Variants in SCN8A observed in about 807,000 individuals in gnomAD.
SCN8A encodes sodium channel protein type 8 subunit alpha.
Under a neutral mutation model 184.1 loss-of-function variants are expected in SCN8A, and 30 were observed. The ratio of observed to expected loss-of-function variants is 0.16; its 90% CI spans 0.12 to 0.22. The LOEUF is 0.22. Among genes scored for constraint, SCN8A ranks in the 10% least tolerant of loss-of-function variants. The pLI is 1.00. For missense variants in SCN8A, 1,057 were observed against 2,498.9 expected, an observed-to-expected ratio of 0.42 and a Z score of 12.30; for synonymous variants, 852 against 907.0, an observed-to-expected ratio of 0.94 and a Z score of 1.09.
At chr12:51,699,895 G>A (rs556639459) in intron 7 of SCN8A, 104 bp downstream of exon 7, 13 of 929,036 alleles carry the variant, frequency 1.4e-5, no homozygotes, top group East Asian at 1.3e-4. Context: ...GGCCGGGCGC[G>A]GTGGCTCACT....
intron 9 of SCN8A, among the ~76,000 whole-genome samples, chr12:51,704,837 T>G (rs1490005594): frequency 6.6e-6 from 1 of 151,702 alleles, no homozygotes; most frequent in Non-Finnish European, 1.5e-5. Context: ...TAGCTGGGCA[T>G]GGTGGTGGGC....
chr12:51,616,453 CA>C (rs1054797878), intron 1 of SCN8A, among the ~76,000 whole-genome samples: 1 of 150,816 alleles, frequency 6.6e-6, no homozygotes, highest in African/African-American at 2.4e-5. Context: ...ACTAAAAATA[CA>C]AAAAAAAATT....
At chr12:51,594,821 C>T (rs556481524) in intron 1 of SCN8A, among the ~76,000 whole-genome samples, 14 of 152,042 alleles carry the variant, frequency 9.2e-5, no homozygotes, top group African/African-American at 1.7e-4. Flanking sequence ...GGGAAAGAAG[C>T]GCTTGTAAAG....
intron 1 of SCN8A, among the ~76,000 whole-genome samples, chr12:51,601,172 T>C: frequency 6.6e-6 from 1 of 152,226 alleles, no homozygotes; most frequent in Non-Finnish European, 1.5e-5. Context: ...GGAAAGTCCA[T>C]AAACACCACT....
At chr12:51,635,943 T>G (rs1181165092) in intron 1 of SCN8A, among the ~76,000 whole-genome samples, 1 of 152,126 alleles carries the variant, frequency 6.6e-6, no homozygotes, top group Non-Finnish European at 1.5e-5. Context: ...CCACCCAACT[T>G]CTCCTAATCA....
chr12:51,673,107 C>T (rs1320550546), intron 2 of SCN8A, among the ~76,000 whole-genome samples: 1 of 152,120 alleles, frequency 6.6e-6, no homozygotes, highest in African/African-American at 2.4e-5. Context: ...CCTCCATACC[C>T]ATGGGTTCCA....
intron 22 of SCN8A, 136 bp from the exon 23 acceptor site, chr12:51,788,559 C>G (rs1287808186): frequency 1.5e-5 from 7 of 475,144 alleles, no homozygotes; most frequent in Non-Finnish European, 2.2e-5. Flanking sequence ...ACAGAAAATT[C>G]TGTGTCCAAG....
At chr12:51,612,829 C>A (rs980204405) in intron 1 of SCN8A, among the ~76,000 whole-genome samples, 1 of 152,114 alleles carries the variant, frequency 6.6e-6, no homozygotes, top group African/African-American at 2.4e-5. Flanking sequence ...TCAAGTGATT[C>A]TCCTGCCTCA....
intron 20 of SCN8A, among the ~76,000 whole-genome samples, chr12:51,775,390 A>G (rs1361742473): frequency 1.3e-5 from 2 of 152,134 alleles, no homozygotes; most frequent in African/African-American, 4.8e-5. Context: ...CTATAAATGG[A>G]TTTCTTTTCC....
intron 14 of SCN8A, among the ~76,000 whole-genome samples, chr12:51,755,736 G>A (rs1027076227): frequency 1.3e-5 from 2 of 152,220 alleles, no homozygotes; most frequent in Middle Eastern, 3.4e-3. Context: ...TGAGCTAGCC[G>A]TGGATATTGC....
At chr12:51,727,633 C>T (rs768480607) in intron 12 of SCN8A, among the ~76,000 whole-genome samples, 2 of 152,148 alleles carry the variant, frequency 1.3e-5, no homozygotes, top group Non-Finnish European at 2.9e-5. Flanking sequence ...AGCTGCTTTA[C>T]CTGGGAGAGA....
intron 20 of SCN8A, among the ~76,000 whole-genome samples, chr12:51,778,155 G>T (rs1565922342): frequency 6.6e-6 from 1 of 152,162 alleles, no homozygotes; most frequent in Admixed American, 6.5e-5. Flanking sequence ...GAAAATTAGG[G>T]TAGCCTAATA....
chr12:51,753,903 C>T (rs936118646), intron 14 of SCN8A, among the ~76,000 whole-genome samples: 2 of 152,182 alleles, frequency 1.3e-5, no homozygotes, highest in Non-Finnish European at 2.9e-5. Context: ...AAAAATGAGA[C>T]TGACTTGTGA....
At chr12:51,637,618 C>T (rs1940347785) in intron 1 of SCN8A, among the ~76,000 whole-genome samples, 1 of 152,156 alleles carries the variant, frequency 6.6e-6, no homozygotes, top group Non-Finnish European at 1.5e-5. Context: ...CTCTCCAATT[C>T]TATGAAAGCT....
chr12:51,684,127 A>G lies in SCN8A; in HGVS notation c.277-47A>G, dbSNP rs201794111. 5.1e-4 allele frequency: 452 copies of G among 894,510 alleles called. 1 individual carries two copies. The African/African-American group carries it at 6.6e-3, about 13-fold the overall frequency. The allele number at this position is 894,510 out of a possible 1,614,324, so 55.4% of individuals were successfully genotyped here. ...CTAGAAATCATTGTTTCATGTGGTG[A>G]CTCATACCCATGCTTTAATAATTTC... On this transcript the variant is annotated intron_variant, in intron 2 of 26. Coordinates refer to ENST00000627620, the MANE Select transcript of SCN8A (RefSeq NM_001330260.2).
intron 1 of SCN8A, among the ~76,000 whole-genome samples, chr12:51,660,625 T>C (rs990731335): frequency 1.3e-5 from 2 of 152,238 alleles, no homozygotes; most frequent in African/African-American, 2.4e-5. Flanking sequence ...GTGTTTCAAA[T>C]CTTCTTCTGG....
chr12:51,685,310 A>G (rs2138709919), intron 3 of SCN8A, among the ~76,000 whole-genome samples: 1 of 152,224 alleles, frequency 6.6e-6, no homozygotes, highest in Middle Eastern at 3.4e-3. Context: ...TGTAAGAAAT[A>G]TTTTCTCTTT....
At chr12:51,665,409 T>G (rs1439968834) in intron 2 of SCN8A, among the ~76,000 whole-genome samples, 1 of 152,238 alleles carries the variant, frequency 6.6e-6, no homozygotes, top group Non-Finnish European at 1.5e-5. Flanking sequence ...ATAACTTTAA[T>G]AATTTTTTTT....
chr12:51,640,021 C>T (rs774202413), intron 1 of SCN8A, among the ~76,000 whole-genome samples: 56 of 146,698 alleles, frequency 3.8e-4, no homozygotes, highest in Admixed American at 3.3e-3. Flanking sequence ...GATTCTCCCA[C>T]CTCAGCTGGG....
Sources: allele counts gnomAD v4.1 joint callset (sites outside exome capture counted in the v4.1 genomes callset), GRCh38; gene constraint gnomAD v4.1.1; transcripts MANE v1.5; gene names NCBI Gene and HGNC (gene_info 2026-07-23, HGNC 2026-07-21).